Variants in CRB1 observed in about 807,000 individuals in gnomAD.
CRB1 encodes crumbs cell polarity complex component 1.
CRB1 carries 83 observed loss-of-function variants against 120.0 expected under a neutral mutation model. The ratio of observed to expected loss-of-function variants is 0.69; its 90% CI spans 0.58 to 0.83. The LOEUF is 0.83. CRB1 is among the 40% of genes least tolerant of loss of function. The probability of loss-of-function intolerance (pLI) is 0.00; values close to 1 mark genes in which losing one functional copy is unlikely to be tolerated. For synonymous variants in CRB1, 625 were observed against 612.5 expected (o/e 1.02, Z -0.30); for missense variants, 1,699 against 1,687.6 (o/e 1.01, Z -0.12).
the CRB1 span, among the ~76,000 whole-genome samples, chr1:197,213,139 T>G: frequency 6.6e-6 from 1 of 152,154 alleles, no homozygotes; most frequent in African/African-American, 2.4e-5. Flanking sequence ...AAAGAAAGGT[T>G]AAATCAACCA....
At chr1:197,303,622 G>GA (rs562717358) in intron 1 of CRB1, among the ~76,000 whole-genome samples, 10 of 147,796 alleles carry the variant, frequency 6.8e-5, no homozygotes, top group Middle Eastern at 3.6e-3. Flanking sequence ...TTCAGACCCT[G>GA]AAAAAAAAAT....
intron 9 of CRB1, chr1:197,438,244 T>C: frequency 2.9e-6 from 1 of 348,004 alleles, no homozygotes; most frequent in Non-Finnish European, 5.6e-6. Flanking sequence ...CAAATCTAGT[T>C]ATAGCAAGTT....
At chr1:197,332,733 T>C (rs1658935964) in intron 2 of CRB1, among the ~76,000 whole-genome samples, 1 of 152,208 alleles carries the variant, frequency 6.6e-6, no homozygotes, top group East Asian at 1.9e-4. Flanking sequence ...ATGAGTCTAA[T>C]GTATAGCCAG....
At chr1:197,286,789 A>G (rs1210279953) in intron 1 of CRB1, among the ~76,000 whole-genome samples, 1 of 151,964 alleles carries the variant, frequency 6.6e-6, no homozygotes, top group African/African-American at 2.4e-5. Context: ...GTTTTGCATT[A>G]TAATTTCATA....
chr1:197,275,885 A>C (rs1463724613), intron 1 of CRB1, among the ~76,000 whole-genome samples: 1 of 151,892 alleles, frequency 6.6e-6, no homozygotes, highest in African/African-American at 2.4e-5. Flanking sequence ...TATTAATAAA[A>C]TGTCATCTTT....
intron 2 of CRB1, among the ~76,000 whole-genome samples, chr1:197,332,826 A>G (rs1021462979): frequency 2.6e-5 from 4 of 152,202 alleles, no homozygotes; most frequent in Non-Finnish European, 4.4e-5. Flanking sequence ...CACACAGGGA[A>G]GTGTGTTTAT....
Position 197,268,809 on chromosome 1 carries a change from C to T in CRB1, c.70+327C>T, listed in dbSNP as rs149800264. ...TTACGCTTTTACAAAATAGATTTGGCCCTTACTAATTGATATCCTTTAAAA... is the reference window on the plus strand; with the variant it reads ...TTACGCTTTTACAAAATAGATTTGGTCCTTACTAATTGATATCCTTTAAAA... On this transcript the variant is annotated intron_variant, in intron 1 of 11. Transcript: ENST00000367400. Among the ~76,000 whole-genome samples, 337 of 152,156 alleles carry T rather than the reference C, an allele frequency of 2.2e-3. 2 individuals are homozygous for T. The highest frequency in any genetic ancestry group is 7.7e-3 in the African/African-American group (319 of 41,540).
At chr1:197,357,155 T>G in intron 5 of CRB1, 142 bp downstream of exon 5, 3 of 795,934 alleles carry the variant, frequency 3.8e-6, no homozygotes, top group Non-Finnish European at 6.6e-6. Flanking sequence ...CTTGTGGGCA[T>G]GAAAAGTATC....
intron 6 of CRB1, among the ~76,000 whole-genome samples, chr1:197,423,008 A>G (rs1188876093): frequency 2.6e-5 from 4 of 152,158 alleles, no homozygotes; most frequent in Non-Finnish European, 5.9e-5. Context: ...TATGGTATCT[A>G]CTAGCTCTAC....
chr1:197,454,729 A>C (rs1666194772), intron 11 of CRB1, among the ~76,000 whole-genome samples: 1 of 152,178 alleles, frequency 6.6e-6, no homozygotes, highest in Admixed American at 6.5e-5. Flanking sequence ...TTAGCTGTCA[A>C]ATCAATCTCA....
intron 10 of CRB1, chr1:197,441,656 CTTCTTTTTTTTTTTTTT>C (rs1665440733): frequency 1.1e-5 from 1 of 88,458 alleles, no homozygotes; most frequent in South Asian, 4.6e-4. Context: ...TCCTTCCCTC[CTTCTTTTTTTTTTTTTT>C]TTTTTTTTTT....
chr1:197,395,443 G>A (rs1158592769), intron 5 of CRB1, among the ~76,000 whole-genome samples: 5 of 152,112 alleles, frequency 3.3e-5, no homozygotes, highest in Non-Finnish European at 7.4e-5. Flanking sequence ...AAGATTGCAT[G>A]ATATGCACTA....
At chr1:197,471,929 CT>C (rs1666995972) in intron 11 of CRB1, among the ~76,000 whole-genome samples, 2 of 152,102 alleles carry the variant, frequency 1.3e-5, no homozygotes, top group African/African-American at 2.4e-5. Context: ...ATTTGTATTC[CT>C]TTTTTAAAAA....
At chr1:197,308,286 G>A (rs1305758953) in intron 1 of CRB1, among the ~76,000 whole-genome samples, 1 of 152,156 alleles carries the variant, frequency 6.6e-6, no homozygotes, top group Non-Finnish European at 1.5e-5. Context: ...ACTACTTGGA[G>A]GGGGGCATGG....
intron 11 of CRB1, 183 bp from the exon 12 acceptor site, chr1:197,477,481 G>T (rs1667245245): frequency 2.8e-6 from 2 of 702,802 alleles, no homozygotes; most frequent in Admixed American, 2.0e-5. Flanking sequence ...CTAGATATAT[G>T]ATTATTTGTA....
intron 2 of CRB1, among the ~76,000 whole-genome samples, chr1:197,342,358 T>C (rs902053489): frequency 1.3e-5 from 2 of 152,178 alleles, no homozygotes; most frequent in Non-Finnish European, 2.9e-5. Flanking sequence ...ATCATGGACT[T>C]AATGAGAAGC....
rs1055100741 is a variant in CRB1 at position 197,363,996 on chromosome 1, C to T, written c.1171+6983C>T. 9 of 1,386,510 alleles carry T rather than the reference C, an allele frequency of 6.5e-6. No individual in the cohort carries two copies. The African/African-American group carries it at 1.3e-4, about 20-fold the overall frequency. 85.9% of individuals were successfully genotyped at this position (1,386,510 alleles called of 1,614,324 possible). ...GACAGAGGGAAAGCTATGAAAAGTG[C>T]CGGCGGATCTACAGTATGGAAATGG... On this transcript the variant is annotated intron_variant, in intron 5 of 11. Transcript: ENST00000367400.
chr1:197,345,382 G>C (rs1240790047), intron 3 of CRB1, among the ~76,000 whole-genome samples: 1 of 151,524 alleles, frequency 6.6e-6, no homozygotes, highest in Non-Finnish European at 1.5e-5. Context: ...AGACCAGAAT[G>C]GTTTTCCTTT....
chr1:197,316,113 A>T (rs570548122), intron 1 of CRB1, among the ~76,000 whole-genome samples: 1 of 152,204 alleles, frequency 6.6e-6, no homozygotes, highest in Non-Finnish European at 1.5e-5. Flanking sequence ...CATCATTGCC[A>T]TCATCATTCT....
Sources: allele counts gnomAD v4.1 joint callset (sites outside exome capture counted in the v4.1 genomes callset), GRCh38; gene constraint gnomAD v4.1.1; transcripts MANE v1.5; gene names NCBI Gene and HGNC (gene_info 2026-07-23, HGNC 2026-07-21).